KLHL4: variants seen among roughly 807,000 people sequenced by gnomAD.
The protein encoded by KLHL4 is kelch-like protein 4.
In KLHL4, 17 loss-of-function variants were observed where a neutral mutation model predicts 45.8. The observed-to-expected ratio is 0.37, with a 90% confidence interval of 0.25 to 0.56. The LOEUF is 0.56. Ranked by LOEUF, KLHL4 falls within the 20% of genes least tolerant of loss-of-function variation. The pLI is 0.79. For missense variants in KLHL4, 544 were observed against 544.9 expected, an observed-to-expected ratio of 1.00 and a Z score of 0.02; for synonymous variants, 224 against 189.9, an observed-to-expected ratio of 1.18 and a Z score of -1.47.
chrX:87,630,769 C>A (rs1923070310), intron 6 of KLHL4, among the ~76,000 whole-genome samples: 1 of 111,641 alleles, frequency 9.0e-6, no homozygotes, highest in Non-Finnish European at 1.9e-5. Flanking sequence ...ATTATATTAA[C>A]ACTTAAAGAA....
chrX:87,658,492 A>G (rs1275462242), intron 9 of KLHL4, among the ~76,000 whole-genome samples: 4 of 111,046 alleles, frequency 3.6e-5, no homozygotes, highest in Non-Finnish European at 7.5e-5. Flanking sequence ...TGCTCCCAAC[A>G]TCAGATTCAG....
intron 1 of KLHL4, among the ~76,000 whole-genome samples, chrX:87,567,317 T>C (rs1192624312): frequency 9.0e-6 from 1 of 111,661 alleles, no homozygotes; most frequent in Non-Finnish European, 1.9e-5. Context: ...AAGTGACAAG[T>C]ATTAATTAGA....
At chrX:87,628,307 CT>C (rs1386052961) in intron 6 of KLHL4, among the ~76,000 whole-genome samples, 1 of 104,791 alleles carries the variant, frequency 9.5e-6, no homozygotes, top group East Asian at 3.0e-4. Context: ...TACACTGCCA[CT>C]ATTACAGACA....
intron 3 of KLHL4, 149 bp downstream of exon 3, chrX:87,614,719 T>A: frequency 2.2e-6 from 1 of 453,426 alleles, no homozygotes; most frequent in Non-Finnish European, 3.4e-6. Flanking sequence ...GTGAGGAAAC[T>A]AAAGAATAGA....
intron 6 of KLHL4, among the ~76,000 whole-genome samples, chrX:87,628,808 C>T (rs1182421557): frequency 8.9e-6 from 1 of 111,769 alleles, no homozygotes; most frequent in Non-Finnish European, 1.9e-5. Context: ...ATATAACAAG[C>T]TCAGAATTGC....
chrX:87,534,738 G>T (rs760823044), intron 1 of KLHL4, among the ~76,000 whole-genome samples: 72 of 111,748 alleles, frequency 6.4e-4, no homozygotes, highest in African/African-American at 2.2e-3. Flanking sequence ...GTGTTTAACA[G>T]TATGGAAGCT....
In KLHL4 at chrX:87,522,604, G is replaced by C. The variant is rs1007263244; in HGVS notation, c.422+4289G>C. On this transcript the variant is annotated intron_variant, in intron 1 of 10. Transcript: ENST00000373119. ...ACTTTACACTGCATTATTCAGTAGA[G>C]ACTTTTATGTCAAATGAAGGAATGA... Among the ~76,000 whole-genome samples the C allele has an allele frequency of 4.5e-5, 5 of 111,961 alleles. No homozygotes were observed. In the Admixed American group the frequency reaches 4.8e-4, roughly 11 times the overall value.
intron 10 of KLHL4, among the ~76,000 whole-genome samples, 177 bp from the exon 11 acceptor site, chrX:87,666,298 G>A (rs757203328): frequency 9.0e-6 from 1 of 111,256 alleles, no homozygotes; most frequent in Non-Finnish European, 1.9e-5. Context: ...CATTCTAAAG[G>A]CTATGTTTTT....
At chrX:87,653,358 G>A (rs777113426) in intron 9 of KLHL4, among the ~76,000 whole-genome samples, 315 of 111,432 alleles carry the variant, frequency 2.8e-3, no homozygotes, top group Non-Finnish European at 5.2e-3. Flanking sequence ...ACATACATGA[G>A]ACCAACAAAC....
chrX:87,586,442 T>G (rs1303978686), intron 1 of KLHL4, among the ~76,000 whole-genome samples: 3 of 111,196 alleles, frequency 2.7e-5, no homozygotes, highest in South Asian at 3.7e-4. Flanking sequence ...CTGACCACAA[T>G]GAAATAAAAC....
At chrX:87,650,366 A>T (rs1269510379) in intron 9 of KLHL4, among the ~76,000 whole-genome samples, 1 of 112,051 alleles carries the variant, frequency 8.9e-6, no homozygotes, top group African/African-American at 3.2e-5. Flanking sequence ...CCAAAGTGCT[A>T]GGATTACAGG....
intron 6 of KLHL4, among the ~76,000 whole-genome samples, chrX:87,631,793 CAA>C (rs1179459566): frequency 8.9e-6 from 1 of 111,884 alleles, no homozygotes; most frequent in Non-Finnish European, 1.9e-5. Flanking sequence ...ACACCCAAAA[CAA>C]ATTTAAAAAG....
At chrX:87,645,953 A>G (rs763965391) in intron 9 of KLHL4, among the ~76,000 whole-genome samples, 24 of 111,283 alleles carry the variant, frequency 2.2e-4, no homozygotes, top group Non-Finnish European at 3.8e-4. Flanking sequence ...GGTGCAGTGT[A>G]TACTACTTGG....
intron 9 of KLHL4, among the ~76,000 whole-genome samples, chrX:87,642,447 C>T (rs1458868475): frequency 1.8e-5 from 2 of 111,990 alleles, no homozygotes; most frequent in East Asian, 5.6e-4. Context: ...TGAGAAGGAA[C>T]CAGAAAACCA....
rs1029815048 is a variant in KLHL4, at chrX:87,666,753, C to G, written c.*219C>G. 21 of 927,114 alleles carry G rather than the reference C, an allele frequency of 2.3e-5. No homozygotes were observed. The highest frequency in any genetic ancestry group is 5.7e-5 in the Admixed American group (1 of 17,690). The allele number at this position is 927,114 out of a possible 1,213,427, so 76.4% of individuals were successfully genotyped here. ...GAATTATTAAGCATATGTGCTTTCG[C>G]AGCTGATAATATAAAAGGAAATCCC... On this transcript the variant is annotated 3_prime_UTR_variant, in exon 11 of 11. Coordinates refer to ENST00000373119, the MANE Select transcript of KLHL4 (RefSeq NM_019117.5).
Position 87,618,142 on chromosome X carries a change from C to T in KLHL4, c.924+14C>T. ...AAATACACTATGGTAAAATCAATTG[C>T]TTCAACTGAACTTGTAGTAAAAATA... On this transcript the variant is annotated intron_variant, in intron 4 of 10. Coordinates refer to ENST00000373119, the MANE Select transcript of KLHL4 (RefSeq NM_019117.5). 2 of 1,129,316 alleles carry T rather than the reference C, an allele frequency of 1.8e-6. No homozygotes were observed. The highest frequency in any genetic ancestry group is 2.4e-6 in the Non-Finnish European group (2 of 838,368). 93.1% of individuals were successfully genotyped at this position (1,129,316 alleles called of 1,213,427 possible).
At chrX:87,563,637 A>G (rs1036302064) in intron 1 of KLHL4, among the ~76,000 whole-genome samples, 2 of 108,045 alleles carry the variant, frequency 1.9e-5, no homozygotes, top group Non-Finnish European at 3.8e-5. Flanking sequence ...AAGCACACCT[A>G]CAAGGGCAAA....
chrX:87,530,470 T>A (rs1320259067), intron 1 of KLHL4, among the ~76,000 whole-genome samples: 1 of 84,689 alleles, frequency 1.2e-5, no homozygotes, highest in African/African-American at 4.6e-5. Context: ...CCTTCCTGTG[T>A]CCATGTGATC....
At chrX:87,588,356 G>T (rs981026822) in intron 1 of KLHL4, among the ~76,000 whole-genome samples, 1 of 111,577 alleles carries the variant, frequency 9.0e-6, no homozygotes, top group Non-Finnish European at 1.9e-5. Context: ...TAAGCAAAAA[G>T]AACAAAACTG....
Sources: gnomAD v4.1 joint callset for allele counts (sites outside exome capture counted in the v4.1 genomes callset) on GRCh38, gnomAD v4.1.1 for gene constraint, MANE v1.5 for transcripts, NCBI Gene and HGNC (gene_info 2026-07-23, HGNC 2026-07-21) for gene names.